Variants in NR6A1 observed in about 807,000 individuals in gnomAD.
NR6A1 encodes the protein retinoic acid receptor-related testis-associated receptor.
Under a neutral mutation model 59.1 loss-of-function variants are expected in NR6A1, and 7 were observed. That is an observed-to-expected ratio of 0.12 (90% CI 0.07 to 0.22). NR6A1 has a LOEUF of 0.22. Among genes scored for constraint, NR6A1 ranks in the 10% least tolerant of loss-of-function variants. NR6A1 has a pLI of 1.00. For missense variants in NR6A1, 468 were observed against 611.6 expected, an observed-to-expected ratio of 0.77 and a Z score of 2.48; for synonymous variants, 243 against 236.1, an observed-to-expected ratio of 1.03 and a Z score of -0.27.
chr9:124,598,106 C>G (rs192791227), intron 2 of NR6A1, among the ~76,000 whole-genome samples: 64 of 152,312 alleles, frequency 4.2e-4, no homozygotes, highest in Non-Finnish European at 7.9e-4. Context: ...GCCTTAACCT[C>G]TCAAAGTGCT....
intron 2 of NR6A1, among the ~76,000 whole-genome samples, chr9:124,711,780 G>A (rs1839287475): frequency 6.6e-6 from 1 of 152,176 alleles, no homozygotes; most frequent in South Asian, 2.1e-4. Context: ...GTGAGACAGG[G>A]AAATGAATTC....
chr9:124,557,631 A>T (rs1211918064), intron 2 of NR6A1, among the ~76,000 whole-genome samples: 1 of 152,220 alleles, frequency 6.6e-6, no homozygotes, highest in Non-Finnish European at 1.5e-5. Flanking sequence ...TACAATAGCA[A>T]ATTTTAAAAA....
At chr9:124,667,545 C>T (rs897064038) in intron 2 of NR6A1, among the ~76,000 whole-genome samples, 1 of 152,070 alleles carries the variant, frequency 6.6e-6, no homozygotes, top group Admixed American at 6.6e-5. Context: ...GATCACTGTC[C>T]TCACACAGAT....
intron 2 of NR6A1, among the ~76,000 whole-genome samples, chr9:124,645,068 CT>C (rs1836892578): frequency 3.9e-5 from 6 of 152,160 alleles, no homozygotes; most frequent in Admixed American, 1.3e-4. Flanking sequence ...GCAAAATAGA[CT>C]TGGATTGGTT....
At chr9:124,650,942 T>TG (rs1386041455) in intron 2 of NR6A1, among the ~76,000 whole-genome samples, 1 of 152,202 alleles carries the variant, frequency 6.6e-6, no homozygotes, top group Non-Finnish European at 1.5e-5. Context: ...ACCCTGGCAA[T>TG]GCCCCCAAAA....
intron 2 of NR6A1, among the ~76,000 whole-genome samples, chr9:124,702,780 T>C (rs545001114): frequency 8.5e-5 from 13 of 152,288 alleles, no homozygotes; most frequent in African/African-American, 2.6e-4. Context: ...CAACAAAATG[T>C]TGGTACCATA....
At chr9:124,624,440 T>G (rs1200092587) in intron 2 of NR6A1, among the ~76,000 whole-genome samples, 1 of 152,204 alleles carries the variant, frequency 6.6e-6, no homozygotes, top group Non-Finnish European at 1.5e-5. Flanking sequence ...TCTATTTCAT[T>G]CTCCCTCTGA....
Position 124,528,701 on chromosome 9 carries a change from G to GA in NR6A1, c.1080-1802dup, listed in dbSNP as rs567639902. ...GGCAATAGAGTGAGACCCTGTCTCA[G>GA]AAAAAAAAAATAAAACAAAAAACCA... is the stretch of plus-strand genomic sequence containing the variant. On this transcript the variant is annotated intron_variant, in intron 7 of 9. Coordinates refer to ENST00000487099, the MANE Select transcript of NR6A1 (RefSeq NM_033334.4). Among the ~76,000 whole-genome samples, 209 of 136,542 alleles carry GA rather than the reference G, an allele frequency of 1.5e-3. 1 individual carries two copies. The highest frequency in any genetic ancestry group is 4.1e-3 in the African/African-American group (150 of 36,778). 89.6% of individuals were successfully genotyped at this position (136,542 alleles called of 152,430 possible). A position where few individuals can be genotyped will look rare whatever the true frequency, so the allele number is the denominator to read the frequency against.
chr9:124,668,558 TCTCA>T (rs546737659), intron 2 of NR6A1, among the ~76,000 whole-genome samples: 92 of 152,286 alleles, frequency 6.0e-4, no homozygotes, highest in Non-Finnish European at 1.2e-3. Context: ...TCACCTATAA[TCTCA>T]CTCACAGAAA....
At position 124,664,190 on chromosome 9, in the gene NR6A1, G is replaced by C. The variant is rs185890621; in HGVS notation, c.142+69118C>G. Among the ~76,000 whole-genome samples the C allele has an allele frequency of 1.4e-4, 21 of 152,336 alleles. No individual in the cohort carries two copies. In the East Asian group the frequency reaches 3.9e-3, roughly 28 times the overall value. On this transcript the variant is annotated intron_variant, in intron 2 of 9. Transcript: ENST00000487099. ...AATCCAGCAGGAATGAGAAATCAGTGTTTCTTAATGATGCCAAATAAGTGA... is the reference window on the plus strand; with the variant it reads ...AATCCAGCAGGAATGAGAAATCAGTCTTTCTTAATGATGCCAAATAAGTGA...
At chr9:124,761,750 A>C (rs545728790) in intron 1 of NR6A1, among the ~76,000 whole-genome samples, 1 of 152,330 alleles carries the variant, frequency 6.6e-6, no homozygotes, top group South Asian at 2.1e-4. Flanking sequence ...ATCTCTTATA[A>C]ATTGTTCATT....
chr9:124,618,489 T>TA (rs543209437), intron 2 of NR6A1, among the ~76,000 whole-genome samples: 299 of 150,396 alleles, frequency 2.0e-3, no homozygotes, highest in Non-Finnish European at 3.4e-3. Context: ...TCTCAAAAAA[T>TA]AAAAAAAATA....
chr9:124,724,858 T>C (rs1839664417), intron 2 of NR6A1, among the ~76,000 whole-genome samples: 1 of 152,228 alleles, frequency 6.6e-6, no homozygotes, highest in African/African-American at 2.4e-5. Flanking sequence ...ATGAAAGGAA[T>C]TAATAATTTA....
At chr9:124,615,001 G>A (rs1336269431) in intron 2 of NR6A1, among the ~76,000 whole-genome samples, 2 of 152,166 alleles carry the variant, frequency 1.3e-5, no homozygotes, top group East Asian at 1.9e-4. Flanking sequence ...TGTTTACTCA[G>A]TCCTGGTGAG....
chr9:124,565,854 A>G (rs1834225837), intron 2 of NR6A1, among the ~76,000 whole-genome samples: 1 of 152,248 alleles, frequency 6.6e-6, no homozygotes, highest in South Asian at 2.1e-4. Flanking sequence ...ACTAAATTTC[A>G]TATATTGTTG....
intron 2 of NR6A1, among the ~76,000 whole-genome samples, chr9:124,712,174 A>C (rs1427865776): frequency 6.6e-6 from 1 of 152,242 alleles, no homozygotes; most frequent in Non-Finnish European, 1.5e-5. Context: ...TGGAGACTTA[A>C]AAACTGAAGG....
chr9:124,577,344 A>G (rs1048932263), intron 2 of NR6A1, among the ~76,000 whole-genome samples: 1 of 152,212 alleles, frequency 6.6e-6, no homozygotes, highest in Non-Finnish European at 1.5e-5. Flanking sequence ...ATGATTTCCA[A>G]CTGTCAAAAT....
intron 2 of NR6A1, among the ~76,000 whole-genome samples, chr9:124,558,416 A>G (rs17317293): frequency 0.021 from 3,227 of 151,940 alleles, 40 homozygotes; most frequent in South Asian, 0.04. Context: ...TGGATGAGGA[A>G]CTAATTCAAA....
intron 2 of NR6A1, among the ~76,000 whole-genome samples, chr9:124,599,958 G>A (rs77257819): frequency 0.01 from 1,571 of 152,278 alleles, 26 homozygotes; most frequent in African/African-American, 0.036. Flanking sequence ...TGCAGATTTT[G>A]AGGCTGAAGG....
Sources: gnomAD v4.1 joint callset for allele counts (sites outside exome capture counted in the v4.1 genomes callset) on GRCh38, gnomAD v4.1.1 for gene constraint, MANE v1.5 for transcripts, NCBI Gene and HGNC (gene_info 2026-07-23, HGNC 2026-07-21) for gene names.